The following KIF4A variants were observed in gnomAD, a reference collection of about 807,000 sequenced individuals.
The protein encoded by KIF4A is kinesin family member 4A, also known as chromosome-associated kinesin KIF4A.
KIF4A carries 7 observed loss-of-function variants against 105.9 expected under a neutral mutation model. The observed-to-expected ratio is 0.07, with a 90% CI of 0.04 to 0.12. The LOEUF is 0.12. Ranked by LOEUF, KIF4A falls within the 10% of genes least tolerant of loss-of-function variation. KIF4A has a pLI of 1.00. For synonymous variants in KIF4A, 281 were observed against 331.3 expected (o/e 0.85, Z 1.65); for missense variants, 558 against 929.2 (o/e 0.60, Z 5.19).
intron 15 of KIF4A, among the ~76,000 whole-genome samples, chrX:70,368,298 C>T (rs150508345): frequency 0.13 from 14,984 of 111,909 alleles, 927 homozygotes; most frequent in Non-Finnish European, 0.18. Context: ...TGAGGAGCTG[C>T]GTTCCTTTGG....
chrX:70,355,085 G>A (rs1325549412), intron 15 of KIF4A, among the ~76,000 whole-genome samples: 2 of 111,594 alleles, frequency 1.8e-5, no homozygotes, highest in African/African-American at 3.3e-5. Flanking sequence ...TCTGCCTCCT[G>A]CCTCCCCAGG....
At chrX:70,367,026 A>G (rs2086106935) in intron 15 of KIF4A, among the ~76,000 whole-genome samples, 1 of 111,027 alleles carries the variant, frequency 9.0e-6, no homozygotes, top group South Asian at 3.8e-4. Context: ...GTCTCTTTTG[A>G]TCTTTGTTGG....
chrX:70,376,275 T>C, intron 18 of KIF4A, 65 bp downstream of exon 18: 1 of 614,498 alleles, frequency 1.6e-6, no homozygotes. Flanking sequence ...CTAACAATTT[T>C]AATGCTTCTC....
At chrX:70,293,262 C>T (rs1027802295) in intron 3 of KIF4A, among the ~76,000 whole-genome samples, 1 of 112,298 alleles carries the variant, frequency 8.9e-6, no homozygotes, top group African/African-American at 3.2e-5. Flanking sequence ...TTCCTTCAGA[C>T]TGCAAAATTA....
intron 7 of KIF4A, among the ~76,000 whole-genome samples, chrX:70,308,266 A>G (rs1193816372): frequency 1.8e-5 from 2 of 112,648 alleles, no homozygotes; most frequent in African/African-American, 6.4e-5. Context: ...TTTTCTGTGC[A>G]TATGTGTATG....
At chrX:70,338,759 A>G (rs1171730693) in intron 10 of KIF4A, among the ~76,000 whole-genome samples, 1 of 111,586 alleles carries the variant, frequency 9.0e-6, no homozygotes, top group Non-Finnish European at 1.9e-5. Context: ...CTCTGGATTC[A>G]TAGTTAGAAA....
At chrX:70,370,075 G>C (rs1386780953) in intron 15 of KIF4A, among the ~76,000 whole-genome samples, 1 of 111,160 alleles carries the variant, frequency 9.0e-6, no homozygotes, top group African/African-American at 3.3e-5. Context: ...CAGTTTTATA[G>C]CCTAGGAGCA....
At chrX:70,303,213 G>A (rs1382220375) in intron 7 of KIF4A, among the ~76,000 whole-genome samples, 1 of 111,683 alleles carries the variant, frequency 9.0e-6, no homozygotes, top group Non-Finnish European at 1.9e-5. Flanking sequence ...GGTAATTTAT[G>A]GAATTAACTT....
chrX:70,378,530 A>C (rs956225107), intron 18 of KIF4A, among the ~76,000 whole-genome samples: 1 of 109,458 alleles, frequency 9.1e-6, no homozygotes. Flanking sequence ...GGAGTTCGAG[A>C]CCAGCCTGAG....
At chrX:70,319,268 AAAG>A (rs1254062928) in intron 7 of KIF4A, among the ~76,000 whole-genome samples, 2 of 111,713 alleles carry the variant, frequency 1.8e-5, no homozygotes, top group Non-Finnish European at 3.8e-5. Flanking sequence ...GTCTCAAAAA[AAAG>A]AAAGAAAGAA....
chrX:70,405,587 G>A (rs1309975702), intron 25 of KIF4A, among the ~76,000 whole-genome samples: 1 of 111,212 alleles, frequency 9.0e-6, no homozygotes, highest in Middle Eastern at 4.2e-3. Flanking sequence ...GGCTTGTCGG[G>A]CAGAGTCCAC....
At chrX:70,355,210 T>C (rs1206408440) in intron 15 of KIF4A, among the ~76,000 whole-genome samples, 1 of 111,528 alleles carries the variant, frequency 9.0e-6, no homozygotes, top group Non-Finnish European at 1.9e-5. Context: ...AAAAAATGTA[T>C]GCTTTCTCCA....
At chrX:70,295,872 G>A (rs767121427) in intron 3 of KIF4A, among the ~76,000 whole-genome samples, 3 of 105,207 alleles carry the variant, frequency 2.9e-5, no homozygotes, top group Non-Finnish European at 5.8e-5. Flanking sequence ...AGCCGAGATC[G>A]CGCCACTGCA....
intron 7 of KIF4A, among the ~76,000 whole-genome samples, chrX:70,309,628 TAGAC>T (rs1342295428): frequency 1.8e-5 from 2 of 112,707 alleles, no homozygotes; most frequent in African/African-American, 6.4e-5. Context: ...ATGTTTAAAG[TAGAC>T]AGTGCGATAC....
chrX:70,353,192 C>T (rs1394469008), intron 14 of KIF4A, among the ~76,000 whole-genome samples: 1 of 112,069 alleles, frequency 8.9e-6, no homozygotes, highest in East Asian at 2.8e-4. Context: ...GCTTTTCTCC[C>T]TAAAATGAAT....
chrX:70,325,247 A>G (rs940143698), intron 7 of KIF4A, among the ~76,000 whole-genome samples: 9 of 111,856 alleles, frequency 8.0e-5, no homozygotes, highest in Non-Finnish European at 1.7e-4. Context: ...TATTAAAGCC[A>G]TAAGAATATT....
chrX:70,307,369 G>A (rs1193067187), intron 7 of KIF4A, among the ~76,000 whole-genome samples: 2 of 111,100 alleles, frequency 1.8e-5, no homozygotes, highest in Admixed American at 9.6e-5. Context: ...GATGCTTTAG[G>A]ATTTCTGTGT....
chrX:70,301,460 C>T (rs917839874), intron 5 of KIF4A, among the ~76,000 whole-genome samples: 1 of 111,208 alleles, frequency 9.0e-6, no homozygotes. Flanking sequence ...GAAACTGTAC[C>T]ATGCTATTTC....
At chrX:70,366,082 C>T (rs1191227692) in intron 15 of KIF4A, among the ~76,000 whole-genome samples, 24 of 111,329 alleles carry the variant, frequency 2.2e-4, no homozygotes, top group Non-Finnish European at 2.8e-4. Context: ...GTGGGATCGG[C>T]GGTGATATCT....
Sources: gnomAD v4.1 joint callset for allele counts (sites outside exome capture counted in the v4.1 genomes callset) on GRCh38, gnomAD v4.1.1 for gene constraint, MANE v1.5 for transcripts, NCBI Gene and HGNC (gene_info 2026-07-23, HGNC 2026-07-21) for gene names.